The following HECTD4 variants were observed in gnomAD, a reference collection of about 807,000 sequenced individuals.
HECTD4 encodes the protein HECT domain E3 ubiquitin protein ligase 4, also known as probable E3 ubiquitin-protein ligase HECTD4.
Under a neutral mutation model 471.5 loss-of-function variants are expected in HECTD4, and 114 were observed. The observed-to-expected ratio is 0.24, with a 90% CI of 0.21 to 0.28. HECTD4 has a LOEUF of 0.28. HECTD4 is among the 10% of genes least tolerant of loss of function. HECTD4 has a pLI of 1.00. For synonymous variants in HECTD4, 2,012 were observed against 2,256.0 expected, an observed-to-expected ratio of 0.89 and a Z score of 3.07; for missense variants, 3,866 against 5,651.5, an observed-to-expected ratio of 0.68 and a Z score of 10.13.
intron 1 of HECTD4, among the ~76,000 whole-genome samples, chr12:112,354,425 A>G (rs1029732650): frequency 2.6e-5 from 4 of 152,172 alleles, no homozygotes; most frequent in Non-Finnish European, 5.9e-5. Flanking sequence ...GAAAGAGGGA[A>G]AAACCTGGGT....
intron 1 of HECTD4, among the ~76,000 whole-genome samples, chr12:112,351,361 G>A (rs1013668369): frequency 2.6e-5 from 4 of 152,148 alleles, no homozygotes; most frequent in Admixed American, 2.6e-4. Flanking sequence ...GGGCAGGGCA[G>A]GTTTGCATCT....
Position 112,270,384 on chromosome 12 carries a change from T to C in HECTD4, c.2018A>G (p.Asn673Ser), listed in dbSNP as rs529899308. The C allele has an allele frequency of 2.3e-5, 37 of 1,613,964 alleles. No homozygotes were observed. The highest frequency in any genetic ancestry group is 1.1e-4 in the South Asian group (10 of 91,088). ...AAGATTGGGGTTGGTGGCAAGAAGA[T>C]TGAGTTGGTGTATGCACATCGCACC... ...HVGAMCIHQL[N>S]LLATNPNLPI... is the part of the protein sequence containing the mutation. The change falls in exon 12 of 76, where the codon AAT becomes AGT. Residue 673 changes from asparagine (N) to serine (S), a missense_variant. Asn to Ser is a conservative substitution (Grantham distance 46). This residue lies in a region of HECTD4 where 525 missense variants were observed against 672.6 expected (regional missense o/e 0.78). Transcript: ENST00000682272.
chr12:112,240,008 C>T lies in HECTD4; in HGVS notation c.4978G>A (p.Gly1660Ser), dbSNP rs1430292123. ...GGPRIEELTC[G>S]GMVEQVQEAF... The stretch of plus-strand genomic sequence containing the variant: ...TCCTGGACCTGCTCGACCATCCCAC[C>T]ACATGTGAGTTCTTCAATTCTGTGA... The change falls in exon 33 of 76, where the codon GGT becomes AGT. Residue 1660 changes from glycine to serine, a missense_variant. Around this residue, in one of 16 missense-constraint regions of HECTD4, gnomAD observed 229 missense variants for 386.4 expected, o/e 0.59. Coordinates refer to ENST00000682272, the MANE Select transcript of HECTD4 (RefSeq NM_001388303.1). 1.2e-6 allele frequency: 2 copies of T among 1,613,900 alleles called. No homozygotes were observed. The highest frequency in any genetic ancestry group is 4.5e-5 in the East Asian group (2 of 44,884).
At position 112,230,705 on chromosome 12, in the gene HECTD4, C is replaced by G; in HGVS notation, c.6318G>C (p.Trp2106Cys). ...MAPESNAAQIWTTTAEKVLSR... is the reference protein window; with the variant it reads ...MAPESNAAQICTTTAEKVLSR... ...CGCTAACCTTCTCTGCTGTTGTGGT[C>G]CATATTTGAGCAGCATTTGATTCAG... Residue 2106 changes from tryptophan to cysteine, a missense_variant, in exon 40 of 76, where the codon TGG (tryptophan) becomes TGC (cysteine). Physicochemically the swap from Trp to Cys is radical, Grantham distance 215 (BLOSUM62 -2). Around this residue, in one of 16 missense-constraint regions of HECTD4, gnomAD observed 617 missense variants for 915.1 expected, o/e 0.67. Coordinates refer to ENST00000682272, the MANE Select transcript of HECTD4 (RefSeq NM_001388303.1). The G allele has an allele frequency of 6.2e-7, 1 of 1,610,656 alleles. No individual in the cohort carries two copies. The highest frequency in any genetic ancestry group is 8.5e-7 in the Non-Finnish European group (1 of 1,178,418).
chr12:112,161,549 C>G lies in HECTD4; in HGVS notation c.*838G>C, dbSNP rs982252212. On this transcript the variant is annotated 3_prime_UTR_variant, in exon 76 of 76. Coordinates refer to ENST00000682272, the MANE Select transcript of HECTD4 (RefSeq NM_001388303.1). ...GGGGTAGGCTTGAATCATGTGCTTT[C>G]CTCTCAACCAGAGTCTCGGAGGAGG... 1.3e-5 allele frequency: 2 copies of G among 152,508 alleles called. No individual in the cohort carries two copies. The highest frequency in any genetic ancestry group is 1.3e-4 in the Admixed American group (2 of 15,290). 9.4% of individuals were successfully genotyped at this position (152,508 alleles called of 1,614,324 possible).
rs2032174558 is a variant in HECTD4 at position 112,194,461 on chromosome 12, C to T, written c.8749+424G>A. On this transcript the variant is annotated intron_variant, in intron 56 of 75. Transcript: ENST00000682272. This position sits in a 1 kb window ranked among gnomAD's most constrained non-coding sequence, Gnocchi z 4.6. ...CTGGGGATCAGACACAGCCCTCATG[C>T]CAAGGGCACACAGGCTGGCCTTTGG... 6.6e-6 allele frequency among the ~76,000 whole-genome samples: 1 copy of T among 152,186 alleles called. No individual in the cohort carries two copies. Among genetic ancestry groups the T allele is most frequent in the African/African-American group, 2.4e-5 (1 of 41,424 alleles).
intron 1 of HECTD4, among the ~76,000 whole-genome samples, chr12:112,341,446 A>G (rs538484061): frequency 6.6e-5 from 10 of 152,318 alleles, no homozygotes; most frequent in Non-Finnish European, 7.4e-5. Flanking sequence ...AAAATTCCCA[A>G]TAACTATGGC....
At chr12:112,226,516 GTGT>G (rs2033242165) in intron 44 of HECTD4, 124 bp downstream of exon 44, 2 of 525,910 alleles carry the variant, frequency 3.8e-6, no homozygotes, top group South Asian at 3.6e-5. Flanking sequence ...GTTGTGACAG[GTGT>G]TGTCCTTACA....
At chr12:112,192,264 G>A (rs1429680198) in intron 59 of HECTD4, among the ~76,000 whole-genome samples, 1 of 152,234 alleles carries the variant, frequency 6.6e-6, no homozygotes, top group East Asian at 1.9e-4. Flanking sequence ...GGATGTGATT[G>A]CTCTGGTTGT....
rs1486513267 is a variant in HECTD4 at position 112,232,397 on chromosome 12, T to G, written c.5997+607A>C. On this transcript the variant is annotated intron_variant, in intron 38 of 75. Coordinates refer to ENST00000682272, the MANE Select transcript of HECTD4 (RefSeq NM_001388303.1). ...CACCTGCCTTGGTGTCTCAAAGTGC[T>G]GGGATTACAGGCGTGAGCCACAGTG... Among the ~76,000 whole-genome samples, 4 of 152,216 alleles carry G rather than the reference T, an allele frequency of 2.6e-5. No individual in the cohort carries two copies. The East Asian group carries it at 7.7e-4, about 29-fold the overall frequency.
At chr12:112,205,476 T>C (rs763439840) in intron 52 of HECTD4, among the ~76,000 whole-genome samples, 7 of 152,130 alleles carry the variant, frequency 4.6e-5, no homozygotes, top group Non-Finnish European at 1.0e-4. Flanking sequence ...TGTTCATCAG[T>C]ACAAAATGAC....
chr12:112,275,057 C>T (rs2034498515), intron 9 of HECTD4, 97 bp from the exon 10 acceptor site: 1 of 724,042 alleles, frequency 1.4e-6, no homozygotes, highest in Non-Finnish European at 2.3e-6. Context: ...AAATCACACC[C>T]TTTTCTTGTT....
intron 25 of HECTD4, among the ~76,000 whole-genome samples, chr12:112,248,872 A>G (rs1025161357): frequency 6.6e-6 from 1 of 152,338 alleles, no homozygotes; most frequent in Admixed American, 6.5e-5. Context: ...GGCATGAGCC[A>G]CCATGCCCCA....
chr12:112,237,147 G>T, intron 34 of HECTD4, 49 bp from the exon 35 acceptor site: 1 of 1,492,916 alleles, frequency 6.7e-7, no homozygotes, highest in Non-Finnish European at 8.9e-7. Context: ...ACTTAAGGGT[G>T]CCATGGTGAG....
At chr12:112,368,309 T>C (rs1231797921) in intron 1 of HECTD4, among the ~76,000 whole-genome samples, 1 of 152,166 alleles carries the variant, frequency 6.6e-6, no homozygotes, top group Non-Finnish European at 1.5e-5. Context: ...TTCAACATTA[T>C]TGGGAGAGGA....
intron 43 of HECTD4, among the ~76,000 whole-genome samples, chr12:112,227,026 G>A (rs927120056): frequency 6.6e-6 from 1 of 152,200 alleles, no homozygotes; most frequent in African/African-American, 2.4e-5. Flanking sequence ...GATACAAAGT[G>A]CCAGGTGAGA....
chr12:112,164,296 G>A (rs762360924), intron 72 of HECTD4, 21 bp from the exon 73 acceptor site: 21 of 1,603,928 alleles, frequency 1.3e-5, no homozygotes, highest in Non-Finnish European at 1.7e-5. Context: ...GAGGCAGAGC[G>A]AGGCTCATTA....
chr12:112,266,301 C>T (rs1424386843), intron 14 of HECTD4, among the ~76,000 whole-genome samples: 2 of 152,098 alleles, frequency 1.3e-5, no homozygotes, highest in Non-Finnish European at 2.9e-5. Context: ...ATGTTAGGCT[C>T]TAATGTGTGA....
intron 45 of HECTD4, among the ~76,000 whole-genome samples, chr12:112,217,581 T>C (rs1278622174): frequency 1.3e-5 from 2 of 152,244 alleles, no homozygotes; most frequent in Non-Finnish European, 2.9e-5. Flanking sequence ...CTCAAACTCC[T>C]GGGCTCAAGC....
Sources: allele counts gnomAD v4.1 joint callset (sites outside exome capture counted in the v4.1 genomes callset), GRCh38; gene constraint gnomAD v4.1.1; regional missense constraint gnomAD v4.1.1; non-coding constraint Gnocchi (gnomAD v3.1); transcripts MANE v1.5; gene names NCBI Gene and HGNC (gene_info 2026-07-23, HGNC 2026-07-21).